The following KCNIP4 variants were observed in gnomAD, a reference collection of about 807,000 sequenced individuals.
KCNIP4 encodes Kv channel-interacting protein 4.
A neutral mutation model predicts 34.0 loss-of-function variants in KCNIP4; 12 were observed. The observed-to-expected ratio is 0.35, with a 90% CI of 0.23 to 0.57. The LOEUF (loss-of-function observed/expected upper bound fraction) is 0.57, where lower values mean the gene tolerates loss of function less well. Among genes scored for constraint, KCNIP4 ranks in the 20% least tolerant of loss-of-function variants. The probability of loss-of-function intolerance (pLI) is 0.83; values close to 1 mark genes in which losing one functional copy is unlikely to be tolerated. For synonymous variants in KCNIP4, 124 were observed against 102.2 expected (o/e 1.21, Z -1.29); for missense variants, 238 against 311.7 (o/e 0.76, Z 1.78).
chr4:21,478,239 T>C (rs1295230293), intron 1 of KCNIP4, among the ~76,000 whole-genome samples: 2 of 95,118 alleles, frequency 2.1e-5, no homozygotes, highest in Admixed American at 9.9e-5. Context: ...TTTTACTATT[T>C]ATTTACATAT....
intron 1 of KCNIP4, among the ~76,000 whole-genome samples, chr4:21,874,313 GCTGA>G (rs1183964411): frequency 6.6e-6 from 1 of 152,230 alleles, no homozygotes; most frequent in East Asian, 1.9e-4. Flanking sequence ...TTAATATTTT[GCTGA>G]CTAATCTCAG....
intron 1 of KCNIP4, among the ~76,000 whole-genome samples, chr4:21,672,039 C>T (rs1405819514): frequency 6.6e-6 from 1 of 152,060 alleles, no homozygotes; most frequent in Non-Finnish European, 1.5e-5. Flanking sequence ...CTTAACTTAC[C>T]AAGAAGGGAT....
intron 1 of KCNIP4, among the ~76,000 whole-genome samples, chr4:21,615,556 A>G (rs1744534088): frequency 9.2e-6 from 1 of 108,436 alleles, no homozygotes; most frequent in Admixed American, 1.0e-4. Context: ...AAAAAAACAA[A>G]AAACAAAACA....
intron 1 of KCNIP4, among the ~76,000 whole-genome samples, chr4:21,127,814 A>T (rs1708621351): frequency 6.6e-6 from 1 of 152,192 alleles, no homozygotes; most frequent in African/African-American, 2.4e-5. Context: ...TTTTGGAGGG[A>T]ATCAATCCTT....
chr4:21,333,799 AG>A (rs1385838960), intron 1 of KCNIP4, among the ~76,000 whole-genome samples: 1 of 152,200 alleles, frequency 6.6e-6, no homozygotes, highest in East Asian at 1.9e-4. Flanking sequence ...AATAAATTAA[AG>A]ATGTGTTAAA....
intron 1 of KCNIP4, among the ~76,000 whole-genome samples, chr4:21,836,022 A>C (rs563300275): frequency 6.6e-6 from 1 of 152,228 alleles, no homozygotes; most frequent in Non-Finnish European, 1.5e-5. Context: ...TAAAAGTATA[A>C]GAAAAAACAG....
chr4:21,553,201 G>A (rs1738718289), intron 1 of KCNIP4, among the ~76,000 whole-genome samples: 1 of 152,120 alleles, frequency 6.6e-6, no homozygotes, highest in African/African-American at 2.4e-5. Flanking sequence ...TGTAGTCTGA[G>A]AGTTGTTTAT....
intron 1 of KCNIP4, among the ~76,000 whole-genome samples, chr4:21,632,855 A>C (rs1745860604): frequency 1.3e-5 from 2 of 152,190 alleles, no homozygotes; most frequent in East Asian, 3.9e-4. Context: ...TTTCCAACTC[A>C]AATGCTTCCA....
chr4:21,306,954 C>A (rs974334517), intron 1 of KCNIP4, among the ~76,000 whole-genome samples: 1 of 152,060 alleles, frequency 6.6e-6, no homozygotes, highest in Non-Finnish European at 1.5e-5. Flanking sequence ...TCCTGAGTAG[C>A]TGGGATTACA....
chr4:21,252,133 T>G, intron 1 of KCNIP4, among the ~76,000 whole-genome samples: 1 of 90,664 alleles, frequency 1.1e-5, no homozygotes, highest in African/African-American at 3.0e-5. Flanking sequence ...GGTTTTGTTT[T>G]TTTTTTTTTT....
At chr4:21,914,341 G>A (rs556581237) in intron 1 of KCNIP4, among the ~76,000 whole-genome samples, 2 of 152,222 alleles carry the variant, frequency 1.3e-5, no homozygotes, top group South Asian at 2.1e-4. Context: ...GGGGTGGGTG[G>A]TGGAAGGGAG....
intron 1 of KCNIP4, among the ~76,000 whole-genome samples, chr4:20,954,945 G>A (rs1733141783): frequency 6.6e-6 from 1 of 152,138 alleles, no homozygotes; most frequent in African/African-American, 2.4e-5. Context: ...ATCCTTTATT[G>A]CAGAGACTGG....
intron 1 of KCNIP4, among the ~76,000 whole-genome samples, chr4:21,742,900 G>T (rs1036897094): frequency 2.7e-5 from 4 of 149,494 alleles, no homozygotes; most frequent in South Asian, 4.5e-4. Flanking sequence ...TAGTGGGATA[G>T]ATATGCCTTT....
chr4:21,654,498 T>C (rs74550997), intron 1 of KCNIP4, among the ~76,000 whole-genome samples: 1 of 125,022 alleles, frequency 8.0e-6, no homozygotes, highest in Non-Finnish European at 1.7e-5. Context: ...GATTAAAATG[T>C]TTTTTTTTTT....
At chr4:20,874,291 A>C (rs777209549) in intron 2 of KCNIP4, among the ~76,000 whole-genome samples, 62 of 152,168 alleles carry the variant, frequency 4.1e-4, no homozygotes, top group Non-Finnish European at 3.1e-4. Flanking sequence ...TATCACGTTC[A>C]ACTTTTTAAC....
chr4:21,602,476 G>A (rs979635586), intron 1 of KCNIP4, among the ~76,000 whole-genome samples: 1 of 151,958 alleles, frequency 6.6e-6, no homozygotes, highest in African/African-American at 2.4e-5. Context: ...GATGATCAGA[G>A]TGATGGAGCC....
intron 1 of KCNIP4, among the ~76,000 whole-genome samples, chr4:21,028,831 T>C (rs1001921726): frequency 6.6e-6 from 1 of 152,190 alleles, no homozygotes; most frequent in African/African-American, 2.4e-5. Context: ...TTGGGAAGGA[T>C]AGAGATTCTA....
intron 1 of KCNIP4, among the ~76,000 whole-genome samples, chr4:21,720,590 G>T: frequency 7.2e-6 from 1 of 138,126 alleles, no homozygotes; most frequent in African/African-American, 2.7e-5. Flanking sequence ...GTGCAGGTTT[G>T]TTACATATGT....
chr4:21,755,011 G>A (rs1006691933), intron 1 of KCNIP4, among the ~76,000 whole-genome samples: 61 of 152,136 alleles, frequency 4.0e-4, no homozygotes, highest in African/African-American at 1.5e-3. Flanking sequence ...GCCAGGCATG[G>A]TCATGTGTGC....
Sources: gnomAD v4.1 joint callset for allele counts (sites outside exome capture counted in the v4.1 genomes callset) on GRCh38, gnomAD v4.1.1 for gene constraint, MANE v1.5 for transcripts, NCBI Gene and HGNC (gene_info 2026-07-23, HGNC 2026-07-21) for gene names.